The following NKAIN2 variants were observed in gnomAD, a reference collection of about 807,000 sequenced individuals.
The protein encoded by NKAIN2 is sodium/potassium transporting ATPase interacting 2.
NKAIN2 carries 14 observed loss-of-function variants against 32.6 expected under a neutral mutation model. The observed-to-expected ratio is 0.43, with a 90% CI of 0.28 to 0.67. The LOEUF (loss-of-function observed/expected upper bound fraction) is 0.67, where lower values mean the gene tolerates loss of function less well. Among genes scored for constraint, NKAIN2 ranks in the 30% least tolerant of loss-of-function variants. The pLI is 0.17. For synonymous variants in NKAIN2, 80 were observed against 87.2 expected (o/e 0.92, Z 0.46); for missense variants, 198 against 258.3 (o/e 0.77, Z 1.60).
intron 3 of NKAIN2, among the ~76,000 whole-genome samples, chr6:124,463,164 G>A (rs922695046): frequency 2.6e-5 from 4 of 152,046 alleles, no homozygotes; most frequent in African/African-American, 9.7e-5. Context: ...GTGTGTGTGT[G>A]TATGTGTGTG....
chr6:124,157,551 C>T (rs941498957), intron 1 of NKAIN2, among the ~76,000 whole-genome samples: 4 of 152,070 alleles, frequency 2.6e-5, no homozygotes, highest in African/African-American at 4.8e-5. Flanking sequence ...CTCTCATAAC[C>T]GACATCTCTG....
chr6:124,763,972 C>G (rs1778388222), intron 4 of NKAIN2, among the ~76,000 whole-genome samples: 1 of 152,156 alleles, frequency 6.6e-6, no homozygotes, highest in African/African-American at 2.4e-5. Flanking sequence ...TCTTAAGGAC[C>G]TAAACCAGTG....
chr6:124,281,265 TTGAAA>T (rs1795281562), intron 1 of NKAIN2, among the ~76,000 whole-genome samples: 1 of 152,220 alleles, frequency 6.6e-6, no homozygotes, highest in South Asian at 2.1e-4. Context: ...GGGTTCTATG[TTGAAA>T]TGAACTTTTA....
At chr6:124,352,631 G>C (rs2115134257) in intron 2 of NKAIN2, among the ~76,000 whole-genome samples, 1 of 152,296 alleles carries the variant, frequency 6.6e-6, no homozygotes, top group East Asian at 1.9e-4. Flanking sequence ...TTGACTTTTA[G>C]TAAATAGTGT....
At chr6:124,112,588 T>C (rs1298773829) in intron 1 of NKAIN2, among the ~76,000 whole-genome samples, 1 of 152,164 alleles carries the variant, frequency 6.6e-6, no homozygotes, top group Non-Finnish European at 1.5e-5. Context: ...TTTGTGGATA[T>C]GGATGTTCAT....
intron 1 of NKAIN2, among the ~76,000 whole-genome samples, chr6:124,076,715 A>C (rs1459330669): frequency 1.3e-5 from 2 of 152,164 alleles, no homozygotes. Flanking sequence ...TGTTCACATG[A>C]GTTTGCGGTC....
intron 3 of NKAIN2, among the ~76,000 whole-genome samples, chr6:124,395,331 A>G (rs1411434388): frequency 6.6e-6 from 1 of 152,070 alleles, no homozygotes; most frequent in Non-Finnish European, 1.5e-5. Context: ...TGAATTTTGC[A>G]TTTTTACCTT....
intron 1 of NKAIN2, among the ~76,000 whole-genome samples, chr6:124,097,641 C>T (rs1025363525): frequency 7.9e-5 from 12 of 152,136 alleles, no homozygotes; most frequent in African/African-American, 2.7e-4. Flanking sequence ...TGTGGAAAGT[C>T]GTGCTATAAT....
intron 1 of NKAIN2, among the ~76,000 whole-genome samples, chr6:124,062,693 C>T (rs1173142175): frequency 1.3e-5 from 2 of 152,128 alleles, no homozygotes; most frequent in Non-Finnish European, 2.9e-5. Flanking sequence ...GGGATACAGG[C>T]GTGAGCCACC....
chr6:124,259,854 T>A (rs1794147418), intron 1 of NKAIN2, among the ~76,000 whole-genome samples: 1 of 152,138 alleles, frequency 6.6e-6, no homozygotes, highest in South Asian at 2.1e-4. Flanking sequence ...TCTTCAAGCT[T>A]ATATACAAAA....
intron 3 of NKAIN2, among the ~76,000 whole-genome samples, chr6:124,357,737 A>G (rs1052698832): frequency 1.3e-5 from 2 of 152,146 alleles, no homozygotes; most frequent in Non-Finnish European, 2.9e-5. Flanking sequence ...ATAAAACATT[A>G]AGGTAAATTT....
At chr6:124,248,935 C>G (rs972059733) in intron 1 of NKAIN2, among the ~76,000 whole-genome samples, 1 of 152,220 alleles carries the variant, frequency 6.6e-6, no homozygotes, top group East Asian at 1.9e-4. Context: ...ACTATCCCAT[C>G]AGAGCATCCT....
chr6:123,932,448 G>GT (rs1776298212), intron 1 of NKAIN2, among the ~76,000 whole-genome samples: 1 of 95,944 alleles, frequency 1.0e-5, no homozygotes, highest in Non-Finnish European at 2.1e-5. Flanking sequence ...AAAGAGTCTT[G>GT]TTCTTTTGCC....
intron 1 of NKAIN2, among the ~76,000 whole-genome samples, chr6:123,861,777 A>G (rs78520700): frequency 2.7e-4 from 41 of 152,212 alleles, no homozygotes; most frequent in Non-Finnish European, 5.7e-4. Flanking sequence ...TCTAAACTGG[A>G]CTTTAAGCAT....
intron 4 of NKAIN2, among the ~76,000 whole-genome samples, chr6:124,732,278 A>C (rs1776719042): frequency 6.6e-6 from 1 of 152,060 alleles, no homozygotes; most frequent in African/African-American, 2.4e-5. Flanking sequence ...GACCATTTGT[A>C]CATATTTGGT....
chr6:124,210,376 T>C (rs1169456678), intron 1 of NKAIN2, among the ~76,000 whole-genome samples: 1 of 151,904 alleles, frequency 6.6e-6, no homozygotes. Flanking sequence ...AATGTGATCC[T>C]GTCTAGTTTT....
intron 1 of NKAIN2, among the ~76,000 whole-genome samples, chr6:123,976,689 A>C (rs1778654093): frequency 6.6e-6 from 1 of 151,942 alleles, no homozygotes; most frequent in Admixed American, 6.6e-5. Flanking sequence ...TAACATATAA[A>C]ATTAACTATC....
At chr6:124,366,296 GA>G (rs1350996135) in intron 3 of NKAIN2, among the ~76,000 whole-genome samples, 2 of 152,120 alleles carry the variant, frequency 1.3e-5, no homozygotes, top group African/African-American at 4.8e-5. Context: ...TAGATGATTG[GA>G]GAGAGTACAT....
chr6:124,574,883 C>T (rs995732096), intron 3 of NKAIN2, among the ~76,000 whole-genome samples: 9 of 152,104 alleles, frequency 5.9e-5, no homozygotes, highest in South Asian at 2.1e-4. Flanking sequence ...CTGTTACCAT[C>T]GTAAAACATG....
Sources: allele counts gnomAD v4.1 joint callset (sites outside exome capture counted in the v4.1 genomes callset), GRCh38; gene constraint gnomAD v4.1.1; transcripts MANE v1.5; gene names NCBI Gene and HGNC (gene_info 2026-07-23, HGNC 2026-07-21).